NAA50: variants seen among roughly 807,000 people sequenced by gnomAD.
NAA50 encodes N-alpha-acetyltransferase 50.
Under a neutral mutation model 20.7 loss-of-function variants are expected in NAA50, and 7 were observed. That is an observed-to-expected ratio of 0.34 (90% CI 0.19 to 0.63). The LOEUF (loss-of-function observed/expected upper bound fraction) is 0.63. Ranked by LOEUF, NAA50 falls within the 30% of genes least tolerant of loss-of-function variation. The pLI, the probability that NAA50 is intolerant of heterozygous loss-of-function variation, is 0.75. For synonymous variants in NAA50, 54 were observed against 70.6 expected, an observed-to-expected ratio of 0.77 and a Z score of 1.18; for missense variants, 111 against 199.1, an observed-to-expected ratio of 0.56 and a Z score of 2.66.
chr3:113,745,609 C>A, intron 1 of NAA50: 1 of 342,990 alleles, frequency 2.9e-6, no homozygotes, highest in Non-Finnish European at 5.3e-6. Flanking sequence ...CGTGGCTCAG[C>A]GGTCCGCTCC....
At position 113,745,982 on chromosome 3, in the gene NAA50, G is replaced by GAT; in HGVS notation, c.-35_-34dup. The GAT allele has an allele frequency of 6.2e-7, 1 of 1,606,006 alleles. No individual in the cohort carries two copies. The highest frequency in any genetic ancestry group is 1.1e-5 in the South Asian group (1 of 90,838). On this transcript the variant is annotated 5_prime_UTR_variant, in exon 1 of 5. Transcript: ENST00000240922. ...GCCTGCTGAGGCCGTCGTTACCACC[G>GAT]ATATCAACGCCGTCGTAGTCGCCGC... is the stretch of plus-strand genomic sequence containing the variant.
intron 1 of NAA50, among the ~76,000 whole-genome samples, chr3:113,744,275 A>G (rs1708459675): frequency 6.6e-6 from 1 of 152,100 alleles, no homozygotes; most frequent in Non-Finnish European, 1.5e-5. Context: ...CAGCCTGGCC[A>G]ACATAGTCAG....
rs1295185877 is a variant in NAA50, at chr3:113,720,327, A to G, written c.*1433T>C. ...GAATGAAACTTCCTTTTAAAGTCAA[A>G]TGACAGAAAGCTCAAGCCCTGTGCA... On this transcript the variant is annotated 3_prime_UTR_variant, in exon 5 of 5. Transcript: ENST00000240922. The G allele has an allele frequency of 2.6e-5, 4 of 152,594 alleles. No individual in the cohort carries two copies. Among genetic ancestry groups the G allele is most frequent in the African/African-American group, 7.2e-5 (3 of 41,604 alleles). 9.5% of individuals were successfully genotyped at this position (152,594 alleles called of 1,614,324 possible). A position where few individuals can be genotyped will look rare whatever the true frequency, so the allele number is the denominator to read the frequency against.
intron 2 of NAA50, 57 bp downstream of exon 2, chr3:113,723,902 G>T: frequency 7.0e-7 from 1 of 1,435,832 alleles, no homozygotes; most frequent in East Asian, 2.4e-5. Context: ...AAAAAACTAG[G>T]GTTCAAGAAC....
At chr3:113,723,313 C>G in intron 3 of NAA50, 109 bp downstream of exon 3, 1 of 1,055,442 alleles carries the variant, frequency 9.5e-7, no homozygotes, top group East Asian at 2.5e-5. Flanking sequence ...TTCAGTAACC[C>G]TTTCTCAGTA....
chr3:113,729,824 C>T (rs1419099143), intron 1 of NAA50, among the ~76,000 whole-genome samples: 1 of 152,134 alleles, frequency 6.6e-6, no homozygotes, highest in Non-Finnish European at 1.5e-5. Context: ...TCCCAAAGTG[C>T]TGGGATTACA....
rs1199484837 is a variant in NAA50 at position 113,744,537 on chromosome 3, T to C, written c.8+1405A>G. On this transcript the variant is annotated intron_variant, in intron 1 of 4. Coordinates refer to ENST00000240922, the MANE Select transcript of NAA50 (RefSeq NM_025146.4). Reference sequence around the variant, plus strand: ...GCAGAAAAACAACATTCTCCAAATATGTTGGATTGTATCTGAAATAGCCAA... The same window carrying C: ...GCAGAAAAACAACATTCTCCAAATACGTTGGATTGTATCTGAAATAGCCAA... 2.0e-5 allele frequency among the ~76,000 whole-genome samples: 3 copies of C among 152,010 alleles called. No individual in the cohort carries two copies. In the South Asian group the frequency reaches 6.2e-4, roughly 32 times the overall value.
At chr3:113,731,606 T>C (rs1708274412) in intron 1 of NAA50, among the ~76,000 whole-genome samples, 2 of 152,184 alleles carry the variant, frequency 1.3e-5, no homozygotes, top group South Asian at 2.1e-4. Flanking sequence ...CAAAATTCCT[T>C]AGGTGCATCC....
rs747351781 is a variant in NAA50, at chr3:113,745,916, G to C, written c.8+26C>G. 3.7e-6 allele frequency: 6 copies of C among 1,602,026 alleles called. 1 individual carries two copies. In the South Asian group the frequency reaches 5.5e-5, roughly 15 times the overall value. On this transcript the variant is annotated intron_variant, in intron 1 of 4. Transcript: ENST00000240922. ...CCGGACCCTTCTACCCCACCGGCCG[G>C]GCCCTGCCCGGCTGCCCTTCCTCAC...
rs1037664569 is a variant in NAA50 at position 113,718,979 on chromosome 3, A to G, written c.*2781T>C. On this transcript the variant is annotated 3_prime_UTR_variant, in exon 5 of 5. Transcript: ENST00000240922. The stretch of plus-strand genomic sequence containing the variant: ...AACAATACAGTTTTGACATTTACAG[A>G]TATCACAGATCACTACCAGAACATC... 1.3e-5 allele frequency: 2 copies of G among 152,686 alleles called. No individual in the cohort carries two copies. Among genetic ancestry groups the G allele is most frequent in the Non-Finnish European group, 2.9e-5 (2 of 68,034 alleles). The allele number at this position is 152,686 out of a possible 1,614,324, so 9.5% of individuals were successfully genotyped here.
chr3:113,732,594 A>C (rs1708284956), intron 1 of NAA50, among the ~76,000 whole-genome samples: 1 of 152,256 alleles, frequency 6.6e-6, no homozygotes, highest in South Asian at 2.1e-4. Context: ...GCCTACCTCC[A>C]TCTTCACATT....
intron 1 of NAA50, among the ~76,000 whole-genome samples, chr3:113,732,573 C>A (rs146916211): frequency 6.6e-6 from 1 of 152,030 alleles, no homozygotes; most frequent in African/African-American, 2.4e-5. Flanking sequence ...GGTGGCCCCA[C>A]GCTTGGGGCA....
chr3:113,726,238 A>C (rs1708198219), intron 1 of NAA50, among the ~76,000 whole-genome samples: 1 of 152,104 alleles, frequency 6.6e-6, no homozygotes, highest in Non-Finnish European at 1.5e-5. Context: ...ACCCCTCAGC[A>C]CCATAGGAAG....
chr3:113,731,901 A>T (rs529458708), intron 1 of NAA50, among the ~76,000 whole-genome samples: 1 of 152,258 alleles, frequency 6.6e-6, no homozygotes, highest in South Asian at 2.1e-4. Context: ...GTGCATCTTG[A>T]CTATTATAAT....
chr3:113,744,556 T>C (rs371872385), intron 1 of NAA50, among the ~76,000 whole-genome samples: 48 of 152,142 alleles, frequency 3.2e-4, no homozygotes, highest in Middle Eastern at 3.4e-3. Context: ...GTATCTGAAA[T>C]AGCCAAACTT....
intron 1 of NAA50, among the ~76,000 whole-genome samples, chr3:113,743,381 G>A (rs1241831029): frequency 6.6e-6 from 1 of 152,128 alleles, no homozygotes; most frequent in Non-Finnish European, 1.5e-5. Context: ...TCATACAAAA[G>A]CCACATAACC....
chr3:113,743,053 GTA>G (rs1708439165), intron 1 of NAA50, among the ~76,000 whole-genome samples: 1 of 152,092 alleles, frequency 6.6e-6, no homozygotes, highest in Non-Finnish European at 1.5e-5. Context: ...ACATTTCCTA[GTA>G]TATCTCAAAC....
intron 3 of NAA50, 111 bp from the exon 4 acceptor site, chr3:113,723,083 G>A (rs1708157462): frequency 3.0e-6 from 4 of 1,315,410 alleles, no homozygotes; most frequent in Non-Finnish European, 4.0e-6. Flanking sequence ...AATTTATGAG[G>A]TATACACTAG....
intron 1 of NAA50, among the ~76,000 whole-genome samples, chr3:113,734,442 C>T (rs1708313171): frequency 6.6e-6 from 1 of 151,952 alleles, no homozygotes; most frequent in Non-Finnish European, 1.5e-5. Flanking sequence ...CATGTACCCC[C>T]TGGATCTAAG....
Sources: allele counts gnomAD v4.1 joint callset (sites outside exome capture counted in the v4.1 genomes callset), GRCh38; gene constraint gnomAD v4.1.1; transcripts MANE v1.5; gene names NCBI Gene and HGNC (gene_info 2026-07-23, HGNC 2026-07-21).